The following SOX5 variants were observed in gnomAD, a reference collection of about 807,000 sequenced individuals.
SOX5 encodes the protein SRY-box transcription factor 5, also known as transcription factor SOX-5.
In SOX5, 9 loss-of-function variants were observed where a neutral mutation model predicts 92.0. That is an observed-to-expected ratio of 0.10 (90% confidence interval 0.06 to 0.17). The LOEUF is 0.17. SOX5 is among the 10% of genes least tolerant of loss of function. The pLI is 1.00. For synonymous variants in SOX5, 344 were observed against 336.3 expected (o/e 1.02, Z -0.25); for missense variants, 642 against 944.5 (o/e 0.68, Z 4.20).
intron 2 of SOX5, among the ~76,000 whole-genome samples, chr12:23,866,131 C>T (rs1263756273): frequency 7.2e-5 from 11 of 152,150 alleles, no homozygotes; most frequent in Non-Finnish European, 1.6e-4. Flanking sequence ...TAGAACATTC[C>T]ATATCTCTGA....
intron 3 of SOX5, among the ~76,000 whole-genome samples, chr12:24,266,209 C>T (rs1473145186): frequency 6.6e-6 from 1 of 152,042 alleles, no homozygotes; most frequent in African/African-American, 2.4e-5. Flanking sequence ...AGCCACTGTG[C>T]CTGGCCCAGG....
chr12:23,843,776 C>T (rs1262256910), intron 3 of SOX5, among the ~76,000 whole-genome samples: 4 of 151,924 alleles, frequency 2.6e-5, no homozygotes, highest in African/African-American at 9.7e-5. Flanking sequence ...GTTGGCCAAG[C>T]TGGTCTCAAA....
intron 3 of SOX5, among the ~76,000 whole-genome samples, chr12:23,802,169 G>A (rs1020532918): frequency 9.9e-5 from 15 of 152,012 alleles, no homozygotes; most frequent in African/African-American, 3.6e-4. Flanking sequence ...TGCCTCCCGG[G>A]TTCATGCCAT....
intron 9 of SOX5, among the ~76,000 whole-genome samples, chr12:23,588,757 A>G (rs1055856223): frequency 6.6e-6 from 1 of 151,896 alleles, no homozygotes; most frequent in Non-Finnish European, 1.5e-5. Context: ...ACACATATGT[A>G]CACATATAAA....
intron 6 of SOX5, among the ~76,000 whole-genome samples, chr12:23,725,951 A>T (rs4963715): frequency 0.74 from 113,062 of 152,052 alleles, 42,095 homozygotes; most frequent in East Asian, 0.78. Flanking sequence ...CTCTTTGTAG[A>T]AGAAGCTATC....
chr12:23,987,158 C>T (rs988299526), intron 4 of SOX5, among the ~76,000 whole-genome samples: 1 of 152,102 alleles, frequency 6.6e-6, no homozygotes, highest in Non-Finnish European at 1.5e-5. Context: ...CAAGGAGAGA[C>T]AAAACTACAT....
intron 13 of SOX5, among the ~76,000 whole-genome samples, chr12:23,541,346 T>C (rs1941995109): frequency 6.6e-6 from 1 of 152,186 alleles, no homozygotes. Context: ...GAAATCTTAG[T>C]ATTTAACTTG....
chr12:23,722,822 A>C (rs2092894287), intron 6 of SOX5, among the ~76,000 whole-genome samples: 1 of 152,184 alleles, frequency 6.6e-6, no homozygotes, highest in African/African-American at 2.4e-5. Flanking sequence ...CTTCCCACTT[A>C]TCAGTCACTC....
intron 8 of SOX5, among the ~76,000 whole-genome samples, chr12:23,607,582 A>G (rs2075399221): frequency 1.3e-5 from 2 of 152,198 alleles, no homozygotes; most frequent in African/African-American, 4.8e-5. Flanking sequence ...AAGCCAAGAA[A>G]TGATGAGCAG....
chr12:24,325,436 T>G (rs113165898), intron 2 of SOX5, among the ~76,000 whole-genome samples: 1 of 151,924 alleles, frequency 6.6e-6, no homozygotes, highest in Non-Finnish European at 1.5e-5. Context: ...ATAAAGAAAA[T>G]AGAGAGGGAA....
At chr12:23,627,178 G>A (rs965026904) in intron 8 of SOX5, among the ~76,000 whole-genome samples, 1 of 152,084 alleles carries the variant, frequency 6.6e-6, no homozygotes. Context: ...ATAATTGTCA[G>A]TGCTATTAAA....
intron 8 of SOX5, among the ~76,000 whole-genome samples, chr12:23,636,950 C>A (rs149808814): frequency 7.2e-5 from 11 of 152,068 alleles, no homozygotes; most frequent in Non-Finnish European, 1.5e-4. Context: ...TAACACAAAA[C>A]GTAATATGAA....
chr12:24,445,929 A>C (rs1173296196), intron 1 of SOX5, among the ~76,000 whole-genome samples: 1 of 152,222 alleles, frequency 6.6e-6, no homozygotes, highest in African/African-American at 2.4e-5. Context: ...CTGAAGGATA[A>C]TTGTACTATA....
At chr12:24,092,501 T>C (rs1944775308) in intron 4 of SOX5, among the ~76,000 whole-genome samples, 3 of 152,158 alleles carry the variant, frequency 2.0e-5, no homozygotes, top group African/African-American at 7.2e-5. Context: ...CACCAATAAA[T>C]GCCGCCTCAA....
At chr12:24,143,812 A>G (rs1950809257) in intron 4 of SOX5, among the ~76,000 whole-genome samples, 1 of 151,886 alleles carries the variant, frequency 6.6e-6, no homozygotes, top group Admixed American at 6.6e-5. Flanking sequence ...GATGGAGAAG[A>G]AAAGAAGAAG....
intron 1 of SOX5, among the ~76,000 whole-genome samples, chr12:24,426,681 A>G (rs1966808456): frequency 6.6e-6 from 1 of 152,188 alleles, no homozygotes; most frequent in Admixed American, 6.5e-5. Context: ...CCAGAATTTC[A>G]TATCTTAGTC....
At chr12:23,600,561 T>TATATATATATA (rs2074357087) in intron 9 of SOX5, among the ~76,000 whole-genome samples, 1 of 25,520 alleles carries the variant, frequency 3.9e-5, no homozygotes, top group African/African-American at 1.5e-4. Flanking sequence ...ATACACATAC[T>TATATATATATA]TGGCTTGGGA....
intron 7 of SOX5, among the ~76,000 whole-genome samples, chr12:23,649,165 A>G (rs1288443467): frequency 6.6e-6 from 1 of 152,138 alleles, no homozygotes; most frequent in East Asian, 1.9e-4. Context: ...AAAAAATTCA[A>G]AATATATTAC....
chr12:24,361,897 T>C (rs1452220911), intron 2 of SOX5, among the ~76,000 whole-genome samples: 1 of 152,200 alleles, frequency 6.6e-6, no homozygotes, highest in Non-Finnish European at 1.5e-5. Context: ...GGCTTTCTTC[T>C]TCTACTCCAA....
Sources: gnomAD v4.1 joint callset for allele counts (sites outside exome capture counted in the v4.1 genomes callset) on GRCh38, gnomAD v4.1.1 for gene constraint, MANE v1.5 for transcripts, NCBI Gene and HGNC (gene_info 2026-07-23, HGNC 2026-07-21) for gene names.